Variants in SUMF1 observed in about 807,000 individuals in gnomAD.
SUMF1 encodes the protein sulfatase modifying factor 1.
A neutral mutation model predicts 47.6 loss-of-function variants in SUMF1; 48 were observed. The observed-to-expected ratio is 1.01, with a 90% CI of 0.80 to 1.28. The LOEUF is 1.28. Among genes scored for constraint, SUMF1 ranks in the 50% most tolerant of loss-of-function variants. The probability of loss-of-function intolerance (pLI) is 0.00; values close to 1 mark genes in which losing one functional copy is unlikely to be tolerated. For synonymous variants in SUMF1, 230 were observed against 192.1 expected (o/e 1.20, Z -1.63); for missense variants, 571 against 485.4 (o/e 1.18, Z -1.66).
At chr3:4,288,246 G>A (rs925295776) in intron 8 of SUMF1, among the ~76,000 whole-genome samples, 4 of 152,126 alleles carry the variant, frequency 2.6e-5, no homozygotes, top group South Asian at 2.1e-4. Context: ...GTAAGCAAAC[G>A]TACTGACAAG....
Position 4,396,765 on chromosome 3 carries a change from C to T in SUMF1, c.954+14100G>A, listed in dbSNP as rs554443019. Among the ~76,000 whole-genome samples the T allele has an allele frequency of 4.3e-4, 65 of 152,242 alleles. 1 individual carries two copies. In the South Asian group the frequency reaches 0.013, roughly 31 times the overall value. On this transcript the variant is annotated intron_variant, in intron 7 of 8. Transcript: ENST00000272902. ...GGCCTCAAGTTTTACAGCCTCTCTC[C>T]CCACTGAGAGACAGGAAGGAGAGAG...
At chr3:4,330,635 G>A (rs1699031152) in intron 8 of SUMF1, among the ~76,000 whole-genome samples, 2 of 152,152 alleles carry the variant, frequency 1.3e-5, no homozygotes, top group African/African-American at 4.8e-5. Flanking sequence ...GATTTGGGTG[G>A]GGACACAGCC....
intron 8 of SUMF1, among the ~76,000 whole-genome samples, chr3:4,233,032 G>A (rs772560412): frequency 2.6e-5 from 4 of 152,118 alleles, no homozygotes; most frequent in Non-Finnish European, 4.4e-5. Flanking sequence ...AGCCTCTGGT[G>A]TTAAGTAAAG....
chr3:4,368,113 C>G (rs1240667295), intron 8 of SUMF1, among the ~76,000 whole-genome samples: 3 of 152,174 alleles, frequency 2.0e-5, no homozygotes, highest in Non-Finnish European at 2.9e-5. Context: ...TATTTAGAAT[C>G]TACAATGAAG....
intron 3 of SUMF1, among the ~76,000 whole-genome samples, chr3:4,429,261 T>A (rs1189030793): frequency 6.6e-6 from 1 of 152,252 alleles, no homozygotes; most frequent in East Asian, 1.9e-4. Flanking sequence ...TGGAAAGACA[T>A]CTGCGTGTAC....
At chr3:4,267,549 T>C (rs527312855) in intron 8 of SUMF1, among the ~76,000 whole-genome samples, 1 of 152,290 alleles carries the variant, frequency 6.6e-6, no homozygotes, top group Admixed American at 6.5e-5. Flanking sequence ...GTAGTTTGTA[T>C]TTCTGTGGGA....
chr3:4,148,253 T>C (rs758172988), intron 8 of SUMF1, among the ~76,000 whole-genome samples: 6 of 152,174 alleles, frequency 3.9e-5, no homozygotes, highest in Non-Finnish European at 8.8e-5. Flanking sequence ...TAAGCCATCA[T>C]CATTTGCAGA....
In SUMF1 at chr3:4,421,484, A is replaced by G. The variant is rs147469141; in HGVS notation, c.520-1338T>C. 3.1e-3 allele frequency among the ~76,000 whole-genome samples: 474 copies of G among 152,212 alleles called. 3 individuals are homozygous for G. Among genetic ancestry groups the G allele is most frequent in the African/African-American group, 0.011 (464 of 41,550 alleles). ...ATACTAGCTAAAGAACAGATGTTGC[A>G]AATGATTCTTTTTGAGACAGGGTCT... is the stretch of plus-strand genomic sequence containing the variant. On this transcript the variant is annotated intron_variant, in intron 3 of 8. Transcript: ENST00000272902.
At chr3:4,303,349 G>T in intron 8 of SUMF1, 1 of 1,531,324 alleles carries the variant, frequency 6.5e-7, no homozygotes. Context: ...TCAGGGTAGT[G>T]GGCGTTGCGT....
chr3:4,095,163 G>A (rs1692874704), intron 8 of SUMF1, among the ~76,000 whole-genome samples: 1 of 151,986 alleles, frequency 6.6e-6, no homozygotes, highest in Non-Finnish European at 1.5e-5. Context: ...CTTGTTCAAA[G>A]GAATAATGAA....
At chr3:4,100,752 A>G (rs1693013650) in intron 8 of SUMF1, among the ~76,000 whole-genome samples, 1 of 152,114 alleles carries the variant, frequency 6.6e-6, no homozygotes, top group Admixed American at 6.5e-5. Context: ...CAAATCATGT[A>G]TCAGATAAGA....
intron 8 of SUMF1, among the ~76,000 whole-genome samples, chr3:4,090,857 G>C (rs1692769960): frequency 6.6e-6 from 1 of 151,968 alleles, no homozygotes; most frequent in Non-Finnish European, 1.5e-5. Flanking sequence ...GTAGAAGTAT[G>C]ATGGGAGGCC....
At chr3:4,133,080 C>T (rs896507759) in intron 8 of SUMF1, among the ~76,000 whole-genome samples, 2 of 152,190 alleles carry the variant, frequency 1.3e-5, no homozygotes, top group African/African-American at 4.8e-5. Flanking sequence ...GCTATGACCA[C>T]ATGACCAGCT....
chr3:4,356,621 T>G (rs1310096848), downstream of SUMF1, among the ~76,000 whole-genome samples: 1 of 151,984 alleles, frequency 6.6e-6, no homozygotes, highest in Non-Finnish European at 1.5e-5. Context: ...CTCTTCATAA[T>G]CTAGGCTGCA....
At chr3:4,366,392 T>A (rs1225905532) in intron 8 of SUMF1, among the ~76,000 whole-genome samples, 3 of 152,144 alleles carry the variant, frequency 2.0e-5, no homozygotes, top group African/African-American at 7.2e-5. Context: ...TAGTCCCATA[T>A]TTCTTGGAGG....
chr3:4,218,680 C>CT (rs1695994895), intron 8 of SUMF1, among the ~76,000 whole-genome samples: 1 of 152,130 alleles, frequency 6.6e-6, no homozygotes, highest in African/African-American at 2.4e-5. Context: ...GTGAGAGCAT[C>CT]AGTTTATAGA....
intron 8 of SUMF1, among the ~76,000 whole-genome samples, chr3:4,126,280 T>C (rs1476260605): frequency 1.3e-5 from 2 of 151,676 alleles, no homozygotes; most frequent in East Asian, 1.9e-4. Flanking sequence ...TTTTTCTTCA[T>C]GCTTGTTCTA....
chr3:4,306,153 T>TGC (rs550586679), intron 8 of SUMF1, among the ~76,000 whole-genome samples: 179 of 152,352 alleles, frequency 1.2e-3, no homozygotes, highest in South Asian at 2.3e-3. Flanking sequence ...CGTGTGTGTG[T>TGC]GCGTTTGAGA....
chr3:4,452,835 G>C, intron 2 of SUMF1, 41 bp downstream of exon 2: 1 of 1,612,634 alleles, frequency 6.2e-7, no homozygotes, highest in Non-Finnish European at 8.5e-7. Context: ...TAAAAGTTCT[G>C]GAAAAGAACA....
Sources: allele counts gnomAD v4.1 joint callset (sites outside exome capture counted in the v4.1 genomes callset), GRCh38; gene constraint gnomAD v4.1.1; transcripts MANE v1.5; gene names NCBI Gene and HGNC (gene_info 2026-07-23, HGNC 2026-07-21).